The following KIF16B variants were observed in gnomAD, a reference collection of about 807,000 sequenced individuals.
KIF16B encodes the protein kinesin family member 16B.
A neutral mutation model predicts 156.3 loss-of-function variants in KIF16B; 98 were observed. That is an observed-to-expected ratio of 0.63 (90% CI 0.53 to 0.74). The LOEUF (loss-of-function observed/expected upper bound fraction) is 0.74. Among genes scored for constraint, KIF16B ranks in the 30% least tolerant of loss-of-function variants. The pLI is 0.00. For missense variants in KIF16B, 1,421 were observed against 1,606.5 expected (o/e 0.88, Z 1.97); for synonymous variants, 564 against 583.7 (o/e 0.97, Z 0.49).
At chr20:16,326,944 G>A (rs1183408048) in intron 24 of KIF16B, among the ~76,000 whole-genome samples, 2 of 150,212 alleles carry the variant, frequency 1.3e-5, no homozygotes, top group Non-Finnish European at 3.0e-5. Context: ...CATCAACCAA[G>A]TGGATAAAGA....
At chr20:16,306,723 A>G (rs770758211) in intron 25 of KIF16B, among the ~76,000 whole-genome samples, 4 of 152,080 alleles carry the variant, frequency 2.6e-5, no homozygotes, top group African/African-American at 4.8e-5. Context: ...AATGCACCAT[A>G]AGGCTCCATC....
chr20:16,367,798 A>G lies in KIF16B; in HGVS notation c.3498+2788T>C, dbSNP rs773515112. The G allele has an allele frequency of 5.0e-6, 8 of 1,612,606 alleles. No homozygotes were observed. The Admixed American group carries it at 5.0e-5, about 10-fold the overall frequency. On this transcript the variant is annotated intron_variant, in intron 22 of 25. Transcript: ENST00000354981. Reference sequence around the variant, plus strand: ...GCAGGCAGCGGCATCAGGCTCTGGCATCAGGACACACAGGAGGTCACGACA... The same window carrying G: ...GCAGGCAGCGGCATCAGGCTCTGGCGTCAGGACACACAGGAGGTCACGACA...
At chr20:16,283,728 G>C (rs1415621205) in intron 25 of KIF16B, among the ~76,000 whole-genome samples, 1 of 152,194 alleles carries the variant, frequency 6.6e-6, no homozygotes, top group East Asian at 1.9e-4. Context: ...CTGTGGGTCA[G>C]AAGTCCTGCC....
intron 23 of KIF16B, among the ~76,000 whole-genome samples, chr20:16,338,179 G>A (rs569872890): frequency 1.8e-4 from 27 of 152,168 alleles, no homozygotes; most frequent in African/African-American, 4.8e-4. Context: ...CGGCTCTCCC[G>A]TGAGGAAGCA....
At chr20:16,489,753 G>T (rs1447866758) in intron 12 of KIF16B, among the ~76,000 whole-genome samples, 1 of 139,814 alleles carries the variant, frequency 7.2e-6, no homozygotes, top group Non-Finnish European at 1.5e-5. Context: ...GTCCCCTGGG[G>T]ATCTTATAAA....
chr20:16,452,756 A>G (rs1600435647), intron 12 of KIF16B, among the ~76,000 whole-genome samples: 2 of 151,736 alleles, frequency 1.3e-5, no homozygotes, highest in Admixed American at 6.6e-5. Flanking sequence ...AATGGCATGA[A>G]CCTGGGAGGC....
intron 24 of KIF16B, among the ~76,000 whole-genome samples, chr20:16,327,068 T>TACACACACACACAC (rs35869892): frequency 2.1e-5 from 3 of 142,976 alleles, no homozygotes; most frequent in Admixed American, 7.0e-5. Flanking sequence ...TGTATACATG[T>TACACACACACACAC]ACACACACAC....
chr20:16,537,298 C>T (rs1357397506), intron 1 of KIF16B, among the ~76,000 whole-genome samples: 1 of 152,138 alleles, frequency 6.6e-6, no homozygotes, highest in African/African-American at 2.4e-5. Flanking sequence ...CCACGGTCAA[C>T]TCCCAACCAT....
At chr20:16,301,135 T>C (rs2063465821) in intron 25 of KIF16B, among the ~76,000 whole-genome samples, 1 of 152,246 alleles carries the variant, frequency 6.6e-6, no homozygotes, top group African/African-American at 2.4e-5. Context: ...ATGCATTCAA[T>C]GTTCTGCCAA....
intron 12 of KIF16B, among the ~76,000 whole-genome samples, chr20:16,463,002 T>C (rs2067389358): frequency 6.6e-6 from 1 of 152,184 alleles, no homozygotes; most frequent in Admixed American, 6.5e-5. Flanking sequence ...GCTATGCAAA[T>C]GGCACATCTA....
chr20:16,407,858 A>G (rs2065826098), intron 15 of KIF16B, among the ~76,000 whole-genome samples: 1 of 152,108 alleles, frequency 6.6e-6, no homozygotes, highest in Non-Finnish European at 1.5e-5. Flanking sequence ...AAGAGTTCAA[A>G]GTCTGGAGAG....
intron 23 of KIF16B, among the ~76,000 whole-genome samples, chr20:16,337,498 C>T (rs929570780): frequency 2.6e-5 from 4 of 151,954 alleles, no homozygotes; most frequent in African/African-American, 9.7e-5. Context: ...TCAATTGTGG[C>T]AGGTTTCTTA....
chr20:16,527,914 G>C (rs563595458), intron 2 of KIF16B, among the ~76,000 whole-genome samples: 42 of 152,114 alleles, frequency 2.8e-4, no homozygotes, highest in African/African-American at 9.6e-4. Context: ...AAGAAATTTG[G>C]TGGTTTTTTT....
At chr20:16,317,959 G>A (rs2063722188) in intron 24 of KIF16B, among the ~76,000 whole-genome samples, 1 of 152,160 alleles carries the variant, frequency 6.6e-6, no homozygotes, top group African/African-American at 2.4e-5. Context: ...TGGCTTTATC[G>A]CCCACAGCCA....
At chr20:16,470,252 A>G (rs1005433129) in intron 12 of KIF16B, among the ~76,000 whole-genome samples, 2 of 152,188 alleles carry the variant, frequency 1.3e-5, no homozygotes, top group Admixed American at 1.3e-4. Flanking sequence ...ATGATGTTAT[A>G]ATGATGGACT....
chr20:16,305,118 T>C (rs1346715151), intron 25 of KIF16B, among the ~76,000 whole-genome samples: 1 of 152,134 alleles, frequency 6.6e-6, no homozygotes, highest in Admixed American at 6.5e-5. Context: ...CTATAAACTC[T>C]GGGCATCCCT....
chr20:16,383,012 G>C (rs2065138043), intron 17 of KIF16B, among the ~76,000 whole-genome samples: 1 of 152,106 alleles, frequency 6.6e-6, no homozygotes, highest in Admixed American at 6.5e-5. Context: ...ATTGTTTTTT[G>C]AGTCAGGGTC....
intron 12 of KIF16B, among the ~76,000 whole-genome samples, chr20:16,490,011 G>A (rs6105614): frequency 0.026 from 4,000 of 152,082 alleles, 168 homozygotes; most frequent in African/African-American, 0.091. Context: ...GCATCACTGG[G>A]ACAGGACCGC....
intron 2 of KIF16B, among the ~76,000 whole-genome samples, chr20:16,526,517 T>G (rs529216307): frequency 1.3e-5 from 2 of 152,254 alleles, no homozygotes; most frequent in East Asian, 3.9e-4. Flanking sequence ...TCCACCAGAG[T>G]TGGGCTTTGC....
Sources: gnomAD v4.1 joint callset for allele counts (sites outside exome capture counted in the v4.1 genomes callset) on GRCh38, gnomAD v4.1.1 for gene constraint, MANE v1.5 for transcripts, NCBI Gene and HGNC (gene_info 2026-07-23, HGNC 2026-07-21) for gene names.